The following TSHZ2 variants were observed in gnomAD, a reference collection of about 807,000 sequenced individuals.
TSHZ2 encodes the protein teashirt homolog 2.
TSHZ2 carries 21 observed loss-of-function variants against 74.4 expected under a neutral mutation model. The ratio of observed to expected loss-of-function variants is 0.28; its 90% confidence interval spans 0.20 to 0.41. TSHZ2 has a LOEUF of 0.41. Ranked by LOEUF, TSHZ2 falls within the 10% of genes least tolerant of loss-of-function variation. The pLI, the probability that TSHZ2 is intolerant of heterozygous loss-of-function variation, is 1.00. For synonymous variants in TSHZ2, 540 were observed against 515.3 expected, an observed-to-expected ratio of 1.05 and a Z score of -0.65; for missense variants, 1,244 against 1,293.5, an observed-to-expected ratio of 0.96 and a Z score of 0.59.
intron 2 of TSHZ2, among the ~76,000 whole-genome samples, chr20:53,346,723 C>T (rs1980455050): frequency 6.6e-6 from 1 of 152,194 alleles, no homozygotes; most frequent in Admixed American, 6.5e-5. Context: ...CAAATTAAAA[C>T]AGAGAAACGT....
At chr20:53,389,028 C>T (rs1437590307) in intron 2 of TSHZ2, among the ~76,000 whole-genome samples, 1 of 152,180 alleles carries the variant, frequency 6.6e-6, no homozygotes. Context: ...ATTAAGATTA[C>T]AGAGGTTCAA....
intron 1 of TSHZ2, among the ~76,000 whole-genome samples, chr20:53,045,290 C>T (rs74838303): frequency 7.2e-5 from 11 of 152,126 alleles, no homozygotes; most frequent in African/African-American, 1.9e-4. Context: ...CTCAACCTTC[C>T]GTGATTTCAA....
intron 2 of TSHZ2, among the ~76,000 whole-genome samples, chr20:53,329,865 AATTTGTATCACTAAC>A (rs1979652497): frequency 6.6e-6 from 1 of 152,216 alleles, no homozygotes; most frequent in African/African-American, 2.4e-5. Flanking sequence ...GGCCAATGTT[AATTTGTATCACTAAC>A]ATTTTGGGAC....
chr20:53,486,964 CT>C (rs1297909919), intron 2 of TSHZ2, among the ~76,000 whole-genome samples, 179 bp from the exon 3 acceptor site: 1 of 152,068 alleles, frequency 6.6e-6, no homozygotes, highest in Non-Finnish European at 1.5e-5. Flanking sequence ...TAGTTTTTTT[CT>C]CAAAGTTGAC....
chr20:53,466,560 T>TCAAA (rs569055404), intron 2 of TSHZ2, among the ~76,000 whole-genome samples: 268 of 152,330 alleles, frequency 1.8e-3, no homozygotes, highest in Middle Eastern at 0.01. Flanking sequence ...TAGACCTCTT[T>TCAAA]CAAACAATTT....
chr20:53,289,584 C>T lies in TSHZ2; in HGVS notation c.*8+33013C>T, dbSNP rs1195494394. Among the ~76,000 whole-genome samples the T allele has an allele frequency of 5.3e-5, 8 of 152,164 alleles. No homozygotes were observed. In the East Asian group the frequency reaches 9.6e-4, roughly 18 times the overall value. On this transcript the variant is annotated intron_variant, in intron 2 of 2. Transcript: ENST00000371497. ...TAATTAGTGATGCTGAGCATTTTTCCGTATGTTTGTTGGCCATTTGTTTAT... is the reference window on the plus strand; with the variant it reads ...TAATTAGTGATGCTGAGCATTTTTCTGTATGTTTGTTGGCCATTTGTTTAT...
chr20:53,124,300 G>A (rs952952195), intron 1 of TSHZ2, among the ~76,000 whole-genome samples: 1 of 152,158 alleles, frequency 6.6e-6, no homozygotes, highest in African/African-American at 2.4e-5. Flanking sequence ...GGCTTCTGTT[G>A]GGCAATTTGG....
chr20:52,995,876 C>T (rs1982168142), intron 1 of TSHZ2, among the ~76,000 whole-genome samples: 1 of 152,088 alleles, frequency 6.6e-6, no homozygotes. Context: ...CCCACCTCGG[C>T]CTCCCAAAGT....
At chr20:53,214,399 G>A (rs76858674) in intron 1 of TSHZ2, among the ~76,000 whole-genome samples, 356 of 152,276 alleles carry the variant, frequency 2.3e-3, no homozygotes, top group Middle Eastern at 0.017. Flanking sequence ...TCCTAAGACT[G>A]GTATGGGAAG....
At chr20:52,996,771 C>T (rs1982211436) in intron 1 of TSHZ2, among the ~76,000 whole-genome samples, 1 of 152,206 alleles carries the variant, frequency 6.6e-6, no homozygotes, top group South Asian at 2.1e-4. Context: ...GTGCATGTGA[C>T]AGTCTACCTG....
intron 2 of TSHZ2, among the ~76,000 whole-genome samples, chr20:53,462,221 T>C (rs1985400160): frequency 6.6e-6 from 1 of 152,142 alleles, no homozygotes; most frequent in Non-Finnish European, 1.5e-5. Flanking sequence ...GCCATTGTAC[T>C]CCAGCCTGGG....
chr20:53,242,698 C>A (rs1199364799), intron 1 of TSHZ2, among the ~76,000 whole-genome samples: 4 of 152,130 alleles, frequency 2.6e-5, no homozygotes, highest in Admixed American at 6.5e-5. Context: ...TTAAAAGATA[C>A]CTTGTTGTTG....
intron 2 of TSHZ2, among the ~76,000 whole-genome samples, chr20:53,439,962 T>C (rs1032308736): frequency 1.3e-5 from 2 of 152,180 alleles, no homozygotes; most frequent in Admixed American, 1.3e-4. Context: ...TCACATTAGC[T>C]CCTGTCACCC....
chr20:53,163,372 T>C (rs1987989340), intron 1 of TSHZ2, among the ~76,000 whole-genome samples: 2 of 148,306 alleles, frequency 1.3e-5, no homozygotes, highest in Admixed American at 6.7e-5. Context: ...TTTTTTTTTT[T>C]TTTTTTTTTT....
intron 2 of TSHZ2, among the ~76,000 whole-genome samples, chr20:53,397,255 C>T (rs1315195615): frequency 6.6e-6 from 1 of 152,168 alleles, no homozygotes; most frequent in Non-Finnish European, 1.5e-5. Context: ...CCAGAATCTA[C>T]AAAGAACTTA....
In TSHZ2 at chr20:53,254,188, A is replaced by T. The variant is rs748633339; in HGVS notation, c.730A>T (p.Asn244Tyr). ...MNETGHYQDD[N>Y]RKKDKLRPTS... ...TGAAACGGGCCACTATCAAGATGACAACCGCAAAAAGGACAAGCTCAGACC... is the reference window on the plus strand; with the variant it reads ...TGAAACGGGCCACTATCAAGATGACTACCGCAAAAAGGACAAGCTCAGACC... Residue 244 changes from asparagine to tyrosine, a missense_variant, in exon 2 of 3, where the codon AAC (asparagine) becomes TAC (tyrosine). By Grantham distance (143) the Asn-to-Tyr change is moderately radical (BLOSUM62 -2). Transcript: ENST00000371497. 6.2e-7 allele frequency: 1 copy of T among 1,614,150 alleles called. No individual in the cohort carries two copies. Among genetic ancestry groups the T allele is most frequent in the Non-Finnish European group, 8.5e-7 (1 of 1,180,024 alleles).
At chr20:52,985,319 A>G (rs901813649) in intron 1 of TSHZ2, among the ~76,000 whole-genome samples, 2 of 152,212 alleles carry the variant, frequency 1.3e-5, no homozygotes, top group African/African-American at 4.8e-5. Context: ...TAGGTTTTTT[A>G]TGAGGATTAA....
At chr20:53,184,996 T>C (rs556024396) in intron 1 of TSHZ2, among the ~76,000 whole-genome samples, 16 of 152,336 alleles carry the variant, frequency 1.1e-4, no homozygotes, top group African/African-American at 3.8e-4. Context: ...GGCTTAAATA[T>C]TCAGACCATA....
chr20:53,159,814 A>G (rs570232548), intron 1 of TSHZ2, among the ~76,000 whole-genome samples: 2 of 152,350 alleles, frequency 1.3e-5, no homozygotes, highest in South Asian at 4.2e-4. Flanking sequence ...TTTAATGTCT[A>G]TACCATACTA....
Sources: allele counts gnomAD v4.1 joint callset (sites outside exome capture counted in the v4.1 genomes callset), GRCh38; gene constraint gnomAD v4.1.1; transcripts MANE v1.5; gene names NCBI Gene and HGNC (gene_info 2026-07-23, HGNC 2026-07-21).